JAKMIP2: variants seen among roughly 807,000 people sequenced by gnomAD.
JAKMIP2 encodes the protein janus kinase and microtubule-interacting protein 2.
Under a neutral mutation model 115.0 loss-of-function variants are expected in JAKMIP2, and 25 were observed. That is an observed-to-expected ratio of 0.22 (90% CI 0.16 to 0.30). The LOEUF (loss-of-function observed/expected upper bound fraction) is 0.30. Among genes scored for constraint, JAKMIP2 ranks in the 10% least tolerant of loss-of-function variants. The probability of loss-of-function intolerance (pLI) is 1.00; values close to 1 mark genes in which losing one functional copy is unlikely to be tolerated. For synonymous variants in JAKMIP2, 334 were observed against 343.6 expected (o/e 0.97, Z 0.31); for missense variants, 642 against 957.6 (o/e 0.67, Z 4.35).
chr5:147,706,398 A>C lies in JAKMIP2; in HGVS notation c.-148-34444T>G, dbSNP rs183190353. Among the ~76,000 whole-genome samples, 5 of 152,144 alleles carry C rather than the reference A, an allele frequency of 3.3e-5. No homozygotes were observed. In the East Asian group the frequency reaches 9.7e-4, roughly 29 times the overall value. On this transcript the variant is annotated intron_variant, in intron 1 of 21. Transcript: ENST00000616793. Reference sequence around the variant, plus strand: ...TGGGGATTCTGGCTGAAATATTGAGATATTCAAACTCCTGGACTCAAGCAA... The same window carrying C: ...TGGGGATTCTGGCTGAAATATTGAGCTATTCAAACTCCTGGACTCAAGCAA...
At chr5:147,671,620 C>A in intron 2 of JAKMIP2, 58 bp downstream of exon 2, 2 of 1,314,794 alleles carry the variant, frequency 1.5e-6, no homozygotes, top group Non-Finnish European at 2.0e-6. Context: ...GTGCTCGCTG[C>A]ATGTGGACAC....
At chr5:147,666,546 C>T (rs1281228391) in intron 2 of JAKMIP2, among the ~76,000 whole-genome samples, 7 of 152,128 alleles carry the variant, frequency 4.6e-5, no homozygotes, top group East Asian at 1.9e-4. Flanking sequence ...ACCTCCCGGG[C>T]GGCTCTATGA....
intron 1 of JAKMIP2, among the ~76,000 whole-genome samples, chr5:147,764,658 C>T (rs1055074842): frequency 4.0e-5 from 6 of 151,456 alleles, no homozygotes; most frequent in African/African-American, 7.3e-5. Flanking sequence ...GAGGCCAAGG[C>T]GAGAGGATCA....
intron 20 of JAKMIP2, among the ~76,000 whole-genome samples, chr5:147,607,320 C>T (rs1756074594): frequency 1.3e-5 from 2 of 152,044 alleles, no homozygotes; most frequent in Admixed American, 6.6e-5. Context: ...CTGTCATAAA[C>T]AGCTCTTATT....
intron 1 of JAKMIP2, among the ~76,000 whole-genome samples, chr5:147,710,342 G>A (rs1752731320): frequency 6.6e-6 from 1 of 151,954 alleles, no homozygotes; most frequent in Non-Finnish European, 1.5e-5. Flanking sequence ...TTTTATCACT[G>A]CTTCCATCAA....
At chr5:147,768,492 A>C (rs1259712679) in intron 1 of JAKMIP2, among the ~76,000 whole-genome samples, 5 of 152,162 alleles carry the variant, frequency 3.3e-5, no homozygotes, top group Admixed American at 6.6e-5. Flanking sequence ...AAAATGTTCA[A>C]ATATGCCTCT....
chr5:147,710,754 A>C (rs1752745877), intron 1 of JAKMIP2, among the ~76,000 whole-genome samples: 1 of 152,204 alleles, frequency 6.6e-6, no homozygotes, highest in African/African-American at 2.4e-5. Flanking sequence ...AAATTCACCA[A>C]GGCTCTGCTA....
chr5:147,720,152 T>C (rs1753205076), intron 1 of JAKMIP2, among the ~76,000 whole-genome samples: 1 of 152,196 alleles, frequency 6.6e-6, no homozygotes, highest in African/African-American at 2.4e-5. Flanking sequence ...AAAATTCTTG[T>C]CTTTAAGAAT....
At chr5:147,702,250 C>T (rs956080050) in intron 1 of JAKMIP2, among the ~76,000 whole-genome samples, 1 of 146,830 alleles carries the variant, frequency 6.8e-6, no homozygotes, top group Non-Finnish European at 1.5e-5. Context: ...AACAGCTAAG[C>T]TATGAGGATG....
intron 1 of JAKMIP2, among the ~76,000 whole-genome samples, chr5:147,702,562 A>G (rs1752378830): frequency 8.3e-6 from 1 of 120,450 alleles, no homozygotes; most frequent in South Asian, 3.2e-4. Flanking sequence ...AGAAGAAAGA[A>G]AGAAAGAAAG....
intron 1 of JAKMIP2, among the ~76,000 whole-genome samples, chr5:147,699,120 T>C (rs1183226425): frequency 1.3e-5 from 2 of 152,256 alleles, no homozygotes; most frequent in East Asian, 1.9e-4. Context: ...TACACCCATC[T>C]ATTATTACAT....
At chr5:147,743,998 CTT>C (rs1754251317) in intron 1 of JAKMIP2, among the ~76,000 whole-genome samples, 1 of 103,906 alleles carries the variant, frequency 9.6e-6, no homozygotes, top group East Asian at 3.4e-4. Context: ...TTCCTAACTT[CTT>C]TCCTTCCTTC....
intron 20 of JAKMIP2, among the ~76,000 whole-genome samples, chr5:147,609,166 C>T (rs1027296193): frequency 2.6e-5 from 4 of 152,112 alleles, no homozygotes; most frequent in African/African-American, 7.2e-5. Context: ...GGGCATTTAG[C>T]CCATTTACAT....
chr5:147,749,527 G>C (rs535578103), intron 1 of JAKMIP2, among the ~76,000 whole-genome samples: 10 of 152,262 alleles, frequency 6.6e-5, no homozygotes, highest in African/African-American at 2.4e-4. Flanking sequence ...CTTAGTGGTA[G>C]CTACTTCTGT....
At chr5:147,690,270 G>C (rs1248858292) in intron 1 of JAKMIP2, among the ~76,000 whole-genome samples, 1 of 151,856 alleles carries the variant, frequency 6.6e-6, no homozygotes, top group Non-Finnish European at 1.5e-5. Flanking sequence ...AAGGTTGAGG[G>C]TGCAGTGAGC....
chr5:147,736,380 C>T (rs1753924118), intron 1 of JAKMIP2, among the ~76,000 whole-genome samples: 1 of 152,044 alleles, frequency 6.6e-6, no homozygotes, highest in Admixed American at 6.6e-5. Context: ...ACTGCTTGAA[C>T]CTGGGGGGTG....
At chr5:147,654,294 T>G (rs1758564807) in intron 3 of JAKMIP2, among the ~76,000 whole-genome samples, 1 of 152,142 alleles carries the variant, frequency 6.6e-6, no homozygotes, top group African/African-American at 2.4e-5. Flanking sequence ...ATCTATAAAT[T>G]ACTTTTGTCA....
rs1011475995 is a variant in JAKMIP2, at chr5:147,782,569, G to GT, written c.-263dup. On this transcript the variant is annotated 5_prime_UTR_variant, in exon 1 of 22. Transcript: ENST00000616793. ...AACCCAACATCAGCAGTGGCTGCCG[G>GT]TTTTTTTTTTCCCTCTGTCTCTGGT... 0.018 allele frequency: 17,304 copies of GT among 974,952 alleles called. 1 individual carries two copies. The highest frequency in any genetic ancestry group is 0.021 in the East Asian group (640 of 30,678). The allele number at this position is 974,952 out of a possible 1,614,324, so 60.4% of individuals were successfully genotyped here.
chr5:147,670,546 T>C (rs1759527322), intron 2 of JAKMIP2, among the ~76,000 whole-genome samples: 1 of 152,184 alleles, frequency 6.6e-6, no homozygotes, highest in African/African-American at 2.4e-5. Flanking sequence ...ATTTAGGCGA[T>C]GGGATTGAGA....
Sources: gnomAD v4.1 joint callset for allele counts (sites outside exome capture counted in the v4.1 genomes callset) on GRCh38, gnomAD v4.1.1 for gene constraint, MANE v1.5 for transcripts, NCBI Gene and HGNC (gene_info 2026-07-23, HGNC 2026-07-21) for gene names.